The following RSRC1 variants were observed in gnomAD, a reference collection of about 807,000 sequenced individuals.
RSRC1 encodes arginine and serine rich coiled-coil 1, also known as serine/Arginine-related protein 53.
RSRC1 carries 39 observed loss-of-function variants against 49.1 expected under a neutral mutation model. The ratio of observed to expected loss-of-function variants is 0.79; its 90% CI spans 0.61 to 1.04. The LOEUF (loss-of-function observed/expected upper bound fraction) is 1.04, where lower values mean the gene tolerates loss of function less well. Ranked by LOEUF, RSRC1 falls within the 50% of genes least tolerant of loss-of-function variation. The probability of loss-of-function intolerance (pLI) is 0.00; values close to 1 mark genes in which losing one functional copy is unlikely to be tolerated. For synonymous variants in RSRC1, 143 were observed against 130.8 expected, an observed-to-expected ratio of 1.09 and a Z score of -0.63; for missense variants, 388 against 402.4, an observed-to-expected ratio of 0.96 and a Z score of 0.31.
At chr3:158,289,533 CTTTA>C (rs1022646556) in intron 4 of RSRC1, among the ~76,000 whole-genome samples, 22 of 152,132 alleles carry the variant, frequency 1.4e-4, no homozygotes, top group African/African-American at 5.1e-4. Context: ...AGTTCTAGAG[CTTTA>C]TTTATTACCG....
intron 3 of RSRC1, among the ~76,000 whole-genome samples, chr3:158,178,459 C>T (rs1210617031): frequency 6.6e-6 from 1 of 152,126 alleles, no homozygotes; most frequent in Non-Finnish European, 1.5e-5. Context: ...CTATTTTAGT[C>T]TCCTATTTTT....
At chr3:158,350,411 C>T (rs1730807552) in intron 5 of RSRC1, among the ~76,000 whole-genome samples, 1 of 149,910 alleles carries the variant, frequency 6.7e-6, no homozygotes. Flanking sequence ...TGAGCTCAAG[C>T]GATCTGCCCG....
chr3:158,122,866 G>T (rs1246239741), intron 2 of RSRC1, among the ~76,000 whole-genome samples: 2 of 152,152 alleles, frequency 1.3e-5, no homozygotes, highest in African/African-American at 4.8e-5. Context: ...TGCTGAGAAT[G>T]ATGGTTTCCA....
chr3:158,464,564 C>T (rs1737781999), intron 7 of RSRC1, among the ~76,000 whole-genome samples: 1 of 151,170 alleles, frequency 6.6e-6, no homozygotes, highest in Admixed American at 6.6e-5. Context: ...CAGAGCAGTC[C>T]TCAAGTCTCA....
chr3:158,224,679 C>G (rs544927643), intron 4 of RSRC1, among the ~76,000 whole-genome samples: 1 of 151,810 alleles, frequency 6.6e-6, no homozygotes, highest in South Asian at 2.1e-4. Context: ...CCTCCCCTCC[C>G]CTCCACTTTA....
intron 5 of RSRC1, among the ~76,000 whole-genome samples, chr3:158,349,599 G>T (rs1472756030): frequency 6.7e-6 from 1 of 149,662 alleles, no homozygotes; most frequent in Non-Finnish European, 1.5e-5. Flanking sequence ...TACAGTATCT[G>T]TACTGACTTT....
At chr3:158,510,297 G>C (rs976370061) in intron 7 of RSRC1, among the ~76,000 whole-genome samples, 3 of 152,036 alleles carry the variant, frequency 2.0e-5, no homozygotes, top group Admixed American at 6.5e-5. Flanking sequence ...GTTTCTATTG[G>C]TTTATCTTTT....
At chr3:158,328,229 T>C (rs572129954) in intron 5 of RSRC1, among the ~76,000 whole-genome samples, 12 of 152,354 alleles carry the variant, frequency 7.9e-5, no homozygotes, top group Non-Finnish European at 1.8e-4. Flanking sequence ...TTAGCCCATT[T>C]ATATTTAAGG....
chr3:158,434,251 C>A (rs545953800), intron 6 of RSRC1, among the ~76,000 whole-genome samples: 1 of 151,940 alleles, frequency 6.6e-6, no homozygotes, highest in East Asian at 1.9e-4. Context: ...AATTTGCTAG[C>A]AATTTTCACT....
chr3:158,189,170 A>T (rs986544593), intron 3 of RSRC1, among the ~76,000 whole-genome samples: 1 of 151,918 alleles, frequency 6.6e-6, no homozygotes, highest in Non-Finnish European at 1.5e-5. Flanking sequence ...ATTGCACTAT[A>T]GTTAGAAAAC....
In RSRC1 at chr3:158,122,166, G is replaced by A. The variant is rs143641214; in HGVS notation, c.62G>A (p.Arg21His). 1.8e-3 allele frequency: 2,887 copies of A among 1,597,384 alleles called. 4 individuals are homozygous for A. The highest frequency in any genetic ancestry group is 2.6e-3 in the South Asian group (233 of 89,118). The change falls in exon 2 of 10, where the codon CGT (arginine) becomes CAT (histidine). Residue 21 changes from arginine to histidine, a missense_variant. Transcript: ENST00000611884. ...ESRSKRKKKHRRRSSSSSSSD... is the reference protein window; with the variant it reads ...ESRSKRKKKHHRRSSSSSSSD... ...AGAAGCAAGAGAAAAAAGAAACACC[G>A]TAGACGGTCCTCCTCGAGCAGTTCT...
intron 4 of RSRC1, among the ~76,000 whole-genome samples, chr3:158,287,182 T>G (rs1726621540): frequency 6.6e-6 from 1 of 152,194 alleles, no homozygotes; most frequent in Admixed American, 6.5e-5. Flanking sequence ...GACCTTCTAT[T>G]TGGGATTGTT....
intron 4 of RSRC1, among the ~76,000 whole-genome samples, chr3:158,231,373 C>G (rs1338066330): frequency 6.6e-6 from 1 of 151,782 alleles, no homozygotes; most frequent in Non-Finnish European, 1.5e-5. Flanking sequence ...TGCACTCAAG[C>G]GATCATCCCA....
chr3:158,169,137 C>T (rs1718712415), intron 3 of RSRC1, among the ~76,000 whole-genome samples: 1 of 152,242 alleles, frequency 6.6e-6, no homozygotes, highest in South Asian at 2.1e-4. Context: ...CACAAAACAA[C>T]CAACTAGTAT....
chr3:158,531,273 G>A (rs763011177), intron 7 of RSRC1, among the ~76,000 whole-genome samples: 4 of 151,850 alleles, frequency 2.6e-5, no homozygotes, highest in African/African-American at 4.8e-5. Context: ...TCATCACAAA[G>A]TGGACATCAG....
At chr3:158,444,755 T>G (rs1736595235) in intron 6 of RSRC1, among the ~76,000 whole-genome samples, 1 of 152,006 alleles carries the variant, frequency 6.6e-6, no homozygotes, top group Non-Finnish European at 1.5e-5. Context: ...TGCAATCTAC[T>G]CATCTGACAA....
chr3:158,193,827 A>T (rs1272285896), intron 3 of RSRC1, among the ~76,000 whole-genome samples: 1 of 152,156 alleles, frequency 6.6e-6, no homozygotes, highest in African/African-American at 2.4e-5. Flanking sequence ...AAAATTAAGG[A>T]ATAGTCAAGG....
Position 158,543,471 on chromosome 3 carries a change from C to T in RSRC1, c.896C>T (p.Ser299Phe), listed in dbSNP as rs767876550. The change falls in exon 9 of 10, where the codon TCC becomes TTC. Residue 299 changes from serine (S) to phenylalanine (F), a missense_variant. Physicochemically the swap from Ser to Phe is radical, Grantham distance 155. Transcript: ENST00000611884. ...GCTATCAAGTACCAAGATGACAATT[C>T]CCTGGCCCATCCAAATGTAATATCC... ...PTAIKYQDDN[S>F]LAHPNLFIEK... 4 of 1,603,628 alleles carry T rather than the reference C, an allele frequency of 2.5e-6. No homozygotes were observed. Among genetic ancestry groups the T allele is most frequent in the Admixed American group, 3.5e-5 (2 of 57,914 alleles).
At chr3:158,201,920 A>G (rs573043167) in intron 3 of RSRC1, among the ~76,000 whole-genome samples, 11 of 152,296 alleles carry the variant, frequency 7.2e-5, no homozygotes, top group African/African-American at 2.6e-4. Flanking sequence ...TGAATATCAT[A>G]TTATGAATAC....
Sources: gnomAD v4.1 joint callset for allele counts (sites outside exome capture counted in the v4.1 genomes callset) on GRCh38, gnomAD v4.1.1 for gene constraint, MANE v1.5 for transcripts, NCBI Gene and HGNC (gene_info 2026-07-23, HGNC 2026-07-21) for gene names.